The following KNDC1 variants were observed in gnomAD, a reference collection of about 807,000 sequenced individuals.
The protein encoded by KNDC1 is kinase non-catalytic C-lobe domain-containing protein 1.
Under a neutral mutation model 172.8 loss-of-function variants are expected in KNDC1, and 106 were observed. The ratio of observed to expected loss-of-function variants is 0.61; its 90% CI spans 0.52 to 0.72. The LOEUF (loss-of-function observed/expected upper bound fraction) is 0.72. KNDC1 is among the 30% of genes least tolerant of loss of function. The pLI is 0.00. For synonymous variants in KNDC1, 1,083 were observed against 1,062.2 expected (o/e 1.02, Z -0.38); for missense variants, 2,325 against 2,394.5 (o/e 0.97, Z 0.61).
Position 133,201,849 on chromosome 10 carries a change from A to C in KNDC1, c.3338A>C (p.Asp1113Ala), listed in dbSNP as rs754883567. 17 of 1,483,400 alleles carry C rather than the reference A, an allele frequency of 1.1e-5. No individual in the cohort carries two copies. The Admixed American group carries it at 4.3e-4, about 38-fold the overall frequency. The allele number at this position is 1,483,400 out of a possible 1,614,324, so 91.9% of individuals were successfully genotyped here. A position where few individuals can be genotyped will look rare whatever the true frequency, so the allele number is the denominator to read the frequency against. Residue 1113 changes from aspartate (D) to alanine (A), a missense_variant, in exon 17 of 30, where the codon GAC (aspartate) becomes GCC (alanine). By Grantham distance (126) the Asp-to-Ala change is moderately radical. Transcript: ENST00000304613. ...GCCGACGTCCACAACTACGTGAAGGACCTGGGGCGGCAGCAGGCGGACGGG... is the reference window on the plus strand; with the variant it reads ...GCCGACGTCCACAACTACGTGAAGGCCCTGGGGCGGCAGCAGGCGGACGGG... ...FGADVHNYVK[D>A]LGRQQADGAL...
intron 7 of KNDC1, among the ~76,000 whole-genome samples, chr10:133,189,289 C>T (rs1473102004): frequency 2.0e-5 from 3 of 152,178 alleles, no homozygotes; most frequent in African/African-American, 4.8e-5. Flanking sequence ...CGGGACGGGG[C>T]CTGTGACACG....
intron 3 of KNDC1, among the ~76,000 whole-genome samples, chr10:133,176,680 C>G (rs1439909595): frequency 6.6e-6 from 1 of 152,230 alleles, no homozygotes; most frequent in African/African-American, 2.4e-5. Context: ...CCATAGCCCA[C>G]AGAGGCTGGC....
At position 133,160,278 on chromosome 10, in the gene KNDC1, C is replaced by G. The variant is rs1852913980; in HGVS notation, c.-190C>G. Among the ~76,000 whole-genome samples, 2 of 82,396 alleles carry G rather than the reference C, an allele frequency of 2.4e-5. No homozygotes were observed. The highest frequency in any genetic ancestry group is 5.8e-5 in the Non-Finnish European group (2 of 34,458). The allele number at this position is 82,396 out of a possible 152,430, so 54.1% of individuals were successfully genotyped here. ...GACAGCGCCGCGCAGCCCCCGCGCACCCCGCGCCCCCCGCGCCCCCCGGGC... is the reference window on the plus strand; with the variant it reads ...GACAGCGCCGCGCAGCCCCCGCGCAGCCCGCGCCCCCCGCGCCCCCCGGGC... On this transcript the variant is annotated 5_prime_UTR_variant, in exon 1 of 30. Coordinates refer to ENST00000304613, the MANE Select transcript of KNDC1 (RefSeq NM_152643.8).
intron 3 of KNDC1, among the ~76,000 whole-genome samples, chr10:133,181,586 G>A (rs540943439): frequency 6.6e-6 from 1 of 152,344 alleles, no homozygotes; most frequent in Non-Finnish European, 1.5e-5. Flanking sequence ...CAGGCAGGGT[G>A]CAGGAGGGAG....
intron 3 of KNDC1, among the ~76,000 whole-genome samples, chr10:133,181,656 G>C (rs1007413904): frequency 6.6e-6 from 1 of 152,212 alleles, no homozygotes; most frequent in Non-Finnish European, 1.5e-5. Context: ...ATGGGACAGA[G>C]AAGGTCAGCC....
intron 20 of KNDC1, among the ~76,000 whole-genome samples, chr10:133,207,690 A>C (rs1370736300): frequency 6.6e-6 from 1 of 152,230 alleles, no homozygotes; most frequent in Non-Finnish European, 1.5e-5. Flanking sequence ...CCTGGACTCC[A>C]TCCAACTCAC....
chr10:133,198,465 C>T lies in KNDC1; in HGVS notation c.2035C>T (p.Pro679Ser). Residue 679 changes from proline (P) to serine (S), a missense_variant, in exon 13 of 30, where the codon CCC becomes TCC. Physicochemically the swap from Pro to Ser is moderately conservative, Grantham distance 74 (BLOSUM62 -1). Transcript: ENST00000304613. ...AFTSEATHFK[P>S]IVLAQNASVA... ...CACCTCCGAGGCCACGCACTTCAAG[C>T]CCATTGTCCTCGCGCAGAACGCAAG... 6.2e-7 allele frequency: 1 copy of T among 1,607,096 alleles called. No individual in the cohort carries two copies. Among genetic ancestry groups the T allele is most frequent in the Non-Finnish European group, 8.5e-7 (1 of 1,177,132 alleles).
Position 133,218,764 on chromosome 10 carries a change from G to A in KNDC1, c.4678-67G>A, listed in dbSNP as rs1024343498. ...TCTTGGAGCTGGGTGATTTTAACAG[G>A]TTCTCAAATATTCCCTTTGTTCATC... On this transcript the variant is annotated intron_variant, in intron 26 of 29. Coordinates refer to ENST00000304613, the MANE Select transcript of KNDC1 (RefSeq NM_152643.8). 36 of 1,564,950 alleles carry A rather than the reference G, an allele frequency of 2.3e-5. No individual in the cohort carries two copies. The Admixed American group carries it at 2.6e-4, about 11-fold the overall frequency.
chr10:133,204,112 C>T (rs1854456496), intron 17 of KNDC1, among the ~76,000 whole-genome samples: 1 of 152,082 alleles, frequency 6.6e-6, no homozygotes, highest in South Asian at 2.1e-4. Flanking sequence ...GGACGAGGGC[C>T]CCATGGTGCA....
chr10:133,217,782 C>T (rs183474862), intron 26 of KNDC1, among the ~76,000 whole-genome samples: 11 of 151,898 alleles, frequency 7.2e-5, no homozygotes, highest in Admixed American at 6.6e-4. Flanking sequence ...TATGGTGAAA[C>T]CTCATCTCCA....
At chr10:133,210,467 C>A in intron 20 of KNDC1, 144 bp from the exon 21 acceptor site, 1 of 568,410 alleles carries the variant, frequency 1.8e-6, no homozygotes, top group Non-Finnish European at 3.2e-6. Flanking sequence ...CATGTCCCCC[C>A]TTTAATTTCT....
chr10:133,214,571 C>G (rs1845438877), intron 26 of KNDC1, among the ~76,000 whole-genome samples: 1 of 152,228 alleles, frequency 6.6e-6, no homozygotes, highest in Non-Finnish European at 1.5e-5. Flanking sequence ...CCACACACCC[C>G]ACTCCACCCC....
intron 15 of KNDC1, 73 bp downstream of exon 15, chr10:133,199,675 C>T: frequency 6.5e-7 from 1 of 1,526,814 alleles, no homozygotes; most frequent in East Asian, 2.3e-5. Flanking sequence ...GCTGCCTGAC[C>T]CGGGCCCAGC....
At position 133,209,425 on chromosome 10, in the gene KNDC1, AGTG is replaced by A. The variant is rs1400758183; in HGVS notation, c.3795-1185_3795-1183del. 1.4e-5 allele frequency among the ~76,000 whole-genome samples: 2 copies of A among 146,372 alleles called. No individual in the cohort carries two copies. Among genetic ancestry groups the A allele is most frequent in the Non-Finnish European group, 3.0e-5 (2 of 67,054 alleles). On this transcript the variant is annotated intron_variant, in intron 20 of 29. Coordinates refer to ENST00000304613, the MANE Select transcript of KNDC1 (RefSeq NM_152643.8). The surrounding 1 kb of genome is among the most constrained non-coding windows in gnomAD (Gnocchi z 4.9). ...GTGATCTGTGGTGTGTGGCGGGTAT[AGTG>A]TGTGTGTGCACGTATGTGTGGTGTG... is the stretch of plus-strand genomic sequence containing the variant.
At chr10:133,189,442 G>C (rs548140133) in intron 7 of KNDC1, among the ~76,000 whole-genome samples, 156 bp from the exon 8 acceptor site, 1 of 152,212 alleles carries the variant, frequency 6.6e-6, no homozygotes, top group Non-Finnish European at 1.5e-5. Context: ...CGGGGGCTGG[G>C]GTCAGGCCAT....
intron 26 of KNDC1, among the ~76,000 whole-genome samples, chr10:133,214,340 C>A (rs555193815): frequency 1.3e-5 from 2 of 152,372 alleles, no homozygotes; most frequent in African/African-American, 4.8e-5. Flanking sequence ...CAGCTCTCCC[C>A]CAGCACTGCC....
chr10:133,200,388 G>A lies in KNDC1; in HGVS notation c.2917G>A (p.Ala973Thr). 1 of 1,594,416 alleles carries A rather than the reference G, an allele frequency of 6.3e-7. No homozygotes were observed. The highest frequency in any genetic ancestry group is 1.4e-5 in the African/African-American group (1 of 73,440). ...ASPSPSTAEEAGSQLEGSQSP... is the reference protein window; with the variant it reads ...ASPSPSTAEETGSQLEGSQSP... ...TCTCGTCGTCAGCACGGCCGAGGAG[G>A]CTGGGTCACAGCTCGAGGGCAGCCA... Residue 973 changes from alanine to threonine, a missense_variant, in exon 16 of 30, where the codon GCT (alanine) becomes ACT (threonine). Coordinates refer to ENST00000304613, the MANE Select transcript of KNDC1 (RefSeq NM_152643.8).
rs1312412782 is a variant in KNDC1, at chr10:133,198,419, C to T, written c.1989C>T (p.Ala663=). ...VPGQHPCGEE[A]TQLPAAFTSE... is the part of the protein sequence containing the mutation. ...GCCAGCACCCCTGCGGTGAAGAAGC[C>T]ACCCAGCTGCCTGCAGCGTTCACCT... The change falls in exon 13 of 30, where the codon GCC becomes GCT. Residue 663 remains alanine, a synonymous_variant. Coordinates refer to ENST00000304613, the MANE Select transcript of KNDC1 (RefSeq NM_152643.8). 1 of 1,602,278 alleles carries T rather than the reference C, an allele frequency of 6.2e-7. No individual in the cohort carries two copies.
chr10:133,219,713 G>A (rs1564902114), intron 28 of KNDC1, among the ~76,000 whole-genome samples: 2 of 152,264 alleles, frequency 1.3e-5, no homozygotes, highest in East Asian at 1.9e-4. Context: ...TTCAGCAGCA[G>A]GAGGCACAAA....
Sources: allele counts gnomAD v4.1 joint callset (sites outside exome capture counted in the v4.1 genomes callset), GRCh38; gene constraint gnomAD v4.1.1; non-coding constraint Gnocchi (gnomAD v3.1); transcripts MANE v1.5; gene names NCBI Gene and HGNC (gene_info 2026-07-23, HGNC 2026-07-21).